The following PPP1R12A variants were observed in gnomAD, a reference collection of about 807,000 sequenced individuals.
PPP1R12A encodes the protein protein phosphatase 1 regulatory subunit 12A, also known as myosin binding subunit.
PPP1R12A carries 19 observed loss-of-function variants against 139.6 expected under a neutral mutation model. The observed-to-expected ratio is 0.14, with a 90% CI of 0.09 to 0.20. The LOEUF (loss-of-function observed/expected upper bound fraction) is 0.20, where lower values mean the gene tolerates loss of function less well. Among genes scored for constraint, PPP1R12A ranks in the 10% least tolerant of loss-of-function variants. The pLI is 1.00. For synonymous variants in PPP1R12A, 427 were observed against 420.6 expected, an observed-to-expected ratio of 1.02 and a Z score of -0.19; for missense variants, 925 against 1,211.5, an observed-to-expected ratio of 0.76 and a Z score of 3.51.
intron 1 of PPP1R12A, among the ~76,000 whole-genome samples, chr12:79,894,995 CA>C (rs1342888875): frequency 6.6e-6 from 1 of 152,020 alleles, no homozygotes; most frequent in Non-Finnish European, 1.5e-5. Context: ...AATAAGAGTA[CA>C]AAAAAATCAC....
At chr12:79,905,144 T>C (rs1013333346) in intron 1 of PPP1R12A, among the ~76,000 whole-genome samples, 2 of 152,176 alleles carry the variant, frequency 1.3e-5, no homozygotes, top group African/African-American at 4.8e-5. Context: ...CTGCTTAGTA[T>C]ACCTAACAGC....
At chr12:79,850,338 T>C (rs1879894248) in intron 2 of PPP1R12A, among the ~76,000 whole-genome samples, 1 of 152,208 alleles carries the variant, frequency 6.6e-6, no homozygotes, top group African/African-American at 2.4e-5. Context: ...AATGTGAATA[T>C]GGTATATTAG....
chr12:79,788,913 A>T, intron 20 of PPP1R12A, 130 bp from the exon 21 acceptor site: 1 of 756,908 alleles, frequency 1.3e-6, no homozygotes, highest in Non-Finnish European at 2.0e-6. Context: ...TATCTGATTA[A>T]TTTTTGTGAT....
At chr12:79,935,443 A>T, upstream of PPP1R12A, 2 of 989,096 alleles carry the variant, frequency 2.0e-6, no homozygotes, top group Non-Finnish European at 2.4e-6. Context: ...GCAAGGCTCT[A>T]CAGGGCAGAT....
chr12:79,868,426 T>C (rs1367726646), intron 2 of PPP1R12A, among the ~76,000 whole-genome samples: 1 of 152,196 alleles, frequency 6.6e-6, no homozygotes, highest in Non-Finnish European at 1.5e-5. Flanking sequence ...TATATTAGTT[T>C]GCTAGGACTA....
chr12:79,893,358 A>C (rs2137434976), intron 1 of PPP1R12A, among the ~76,000 whole-genome samples: 2 of 152,290 alleles, frequency 1.3e-5, no homozygotes, highest in South Asian at 4.1e-4. Flanking sequence ...TACTTTAAAA[A>C]TTGTATAATT....
rs371952641 is a variant in PPP1R12A at position 79,830,744 on chromosome 12, G to GTCTAT, written c.647+1587_647+1588insATAGA. On this transcript the variant is annotated intron_variant, in intron 4 of 24. Transcript: ENST00000450142. ...CTTAAGGACCTTTAACTGATTCAAA[G>GTCTAT]GATAGAGCAGAATTTGCCTCCAAGT... Among the ~76,000 whole-genome samples the GTCTAT allele has an allele frequency of 5.1e-3, 772 of 152,248 alleles. 4 individuals carry two copies. The highest frequency in any genetic ancestry group is 0.018 in the African/African-American group (732 of 41,534).
At chr12:79,886,361 CAA>C (rs1167901464) in intron 1 of PPP1R12A, among the ~76,000 whole-genome samples, 2 of 152,122 alleles carry the variant, frequency 1.3e-5, no homozygotes, top group South Asian at 2.1e-4. Flanking sequence ...GTTATGAAAA[CAA>C]AGAGTCCAGC....
intron 1 of PPP1R12A, among the ~76,000 whole-genome samples, chr12:79,908,111 G>A (rs2137510239): frequency 6.6e-6 from 1 of 152,262 alleles, no homozygotes; most frequent in African/African-American, 2.4e-5. Flanking sequence ...GTTTAGTTAG[G>A]ATACTAACTA....
At chr12:79,893,083 G>A (rs1212641378) in intron 1 of PPP1R12A, among the ~76,000 whole-genome samples, 5 of 145,990 alleles carry the variant, frequency 3.4e-5, no homozygotes, top group African/African-American at 5.1e-5. Context: ...CAGCCTGGGC[G>A]ACAAAAGCAA....
intron 5 of PPP1R12A, 123 bp from the exon 6 acceptor site, chr12:79,822,313 C>T: frequency 8.1e-6 from 5 of 617,926 alleles, no homozygotes; most frequent in Non-Finnish European, 1.4e-5. Context: ...GGTTATGATA[C>T]AATAACTACT....
At chr12:79,870,837 T>C (rs1882493470) in intron 2 of PPP1R12A, among the ~76,000 whole-genome samples, 1 of 152,164 alleles carries the variant, frequency 6.6e-6, no homozygotes. Flanking sequence ...TGCCAAGATA[T>C]TTACTTTTCC....
chr12:79,895,355 T>C (rs1357257243), intron 1 of PPP1R12A, among the ~76,000 whole-genome samples: 2 of 152,196 alleles, frequency 1.3e-5, no homozygotes, highest in African/African-American at 2.4e-5. Context: ...TAAGAAAATG[T>C]AGAAAGATTA....
intron 14 of PPP1R12A, among the ~76,000 whole-genome samples, chr12:79,804,596 A>C (rs1873588918): frequency 1.3e-5 from 2 of 152,182 alleles, no homozygotes; most frequent in Non-Finnish European, 2.9e-5. Context: ...TCTGTATGTA[A>C]GTACTACGTG....
At chr12:79,923,109 T>C (rs1194736702) in intron 1 of PPP1R12A, among the ~76,000 whole-genome samples, 1 of 151,968 alleles carries the variant, frequency 6.6e-6, no homozygotes, top group Non-Finnish European at 1.5e-5. Context: ...ACCCCATCTT[T>C]ACTAAAATAC....
At chr12:79,918,364 C>T (rs888071653) in intron 1 of PPP1R12A, among the ~76,000 whole-genome samples, 1 of 152,164 alleles carries the variant, frequency 6.6e-6, no homozygotes, top group African/African-American at 2.4e-5. Context: ...GCACAACATC[C>T]TGTACAGATA....
At chr12:79,784,337 A>G (rs1565736427) in intron 22 of PPP1R12A, among the ~76,000 whole-genome samples, 1 of 152,146 alleles carries the variant, frequency 6.6e-6, no homozygotes, top group Non-Finnish European at 1.5e-5. Context: ...AGAAGCTGGG[A>G]TATTTTTTAA....
At chr12:79,776,698 A>C (rs1290797727) in intron 24 of PPP1R12A, among the ~76,000 whole-genome samples, 2 of 152,174 alleles carry the variant, frequency 1.3e-5, no homozygotes. Flanking sequence ...TCTTCAAACA[A>C]CACATCTCAA....
rs796915318 is a variant in PPP1R12A, at chr12:79,933,518, C to T, written c.237+1177G>A. ...CATCTTCCACACACAACCAAGGCAA[C>T]TTTGAGATAGCTTACAAGTCTTTTC... On this transcript the variant is annotated intron_variant, in intron 1 of 24. Coordinates refer to ENST00000450142, the MANE Select transcript of PPP1R12A (RefSeq NM_002480.3). 3.3e-5 allele frequency among the ~76,000 whole-genome samples: 5 copies of T among 152,224 alleles called. No individual in the cohort carries two copies. In the South Asian group the frequency reaches 1.0e-3, roughly 31 times the overall value.
Sources: allele counts gnomAD v4.1 joint callset (sites outside exome capture counted in the v4.1 genomes callset), GRCh38; gene constraint gnomAD v4.1.1; transcripts MANE v1.5; gene names NCBI Gene and HGNC (gene_info 2026-07-23, HGNC 2026-07-21).